Variants in CFAP299 observed in about 807,000 individuals in gnomAD.
The protein encoded by CFAP299 is cilia and flagella associated protein 299.
Under a neutral mutation model 27.0 loss-of-function variants are expected in CFAP299, and 21 were observed. The ratio of observed to expected loss-of-function variants is 0.78; its 90% confidence interval spans 0.55 to 1.12. The LOEUF (loss-of-function observed/expected upper bound fraction) is 1.12. Among genes scored for constraint, CFAP299 ranks in the 50% most tolerant of loss-of-function variants. CFAP299 has a pLI of 0.00. For missense variants in CFAP299, 310 were observed against 276.6 expected (o/e 1.12, Z -0.86); for synonymous variants, 104 against 98.1 (o/e 1.06, Z -0.36).
intron 3 of CFAP299, among the ~76,000 whole-genome samples, chr4:80,767,405 C>G (rs1015223058): frequency 3.3e-5 from 5 of 151,972 alleles, no homozygotes; most frequent in Non-Finnish European, 7.4e-5. Flanking sequence ...GTCAGGAGAT[C>G]AAGACCATCC....
chr4:80,370,620 AAGTCTGAAACCCAGCAGGGC>A (rs1223117222), intron 2 of CFAP299, among the ~76,000 whole-genome samples: 1 of 152,358 alleles, frequency 6.6e-6, no homozygotes, highest in East Asian at 1.9e-4. Context: ...GGCCCCAGGC[AAGTCTGAAACCCAGCAGGGC>A]AGTCATTAAA....
At chr4:80,593,263 C>A (rs1736878152) in intron 3 of CFAP299, among the ~76,000 whole-genome samples, 1 of 152,120 alleles carries the variant, frequency 6.6e-6, no homozygotes, top group African/African-American at 2.4e-5. Context: ...GCAAGAATAC[C>A]TGTTTGAATT....
chr4:80,690,135 G>GACCA (rs1720557208), intron 3 of CFAP299, among the ~76,000 whole-genome samples: 2 of 143,138 alleles, frequency 1.4e-5, no homozygotes, highest in Non-Finnish European at 3.0e-5. Flanking sequence ...GCAGATCAAC[G>GACCA]AGACAGAAAA....
chr4:80,818,652 G>T (rs1299906514), intron 3 of CFAP299, among the ~76,000 whole-genome samples: 1 of 151,868 alleles, frequency 6.6e-6, no homozygotes, highest in African/African-American at 2.4e-5. Context: ...CTAACCAAAA[G>T]AAATTTGAAT....
intron 1 of CFAP299, among the ~76,000 whole-genome samples, chr4:80,342,379 A>T (rs1366117939): frequency 6.6e-6 from 1 of 152,194 alleles, no homozygotes; most frequent in Non-Finnish European, 1.5e-5. Context: ...AGATTCTCCA[A>T]GGTTGAAATT....
rs370673737 is a variant in CFAP299 at position 80,902,586 on chromosome 4, T to TATATATACAC, written c.476+32452_476+32453insTATATACACA. On this transcript the variant is annotated intron_variant, in intron 4 of 5. Coordinates refer to ENST00000358105, the MANE Select transcript of CFAP299 (RefSeq NM_152770.3). Reference sequence around the variant, plus strand: ...ATTTTATCCATATATATGTAATATATACACACACACACACACACACACACA... The same window carrying TATATATACAC: ...ATTTTATCCATATATATGTAATATATATATATACACACACACACACACACACACACACACA... Among the ~76,000 whole-genome samples the TATATATACAC allele has an allele frequency of 2.5e-3, 312 of 126,698 alleles. 3 individuals are homozygous for TATATATACAC. The highest frequency in any genetic ancestry group is 8.7e-3 in the African/African-American group (295 of 33,750). 83.1% of individuals were successfully genotyped at this position (126,698 alleles called of 152,430 possible). A position where few individuals can be genotyped will look rare whatever the true frequency, so the allele number is the denominator to read the frequency against.
intron 4 of CFAP299, among the ~76,000 whole-genome samples, chr4:80,892,464 A>T (rs2110187918): frequency 6.6e-6 from 1 of 152,292 alleles, no homozygotes; most frequent in Non-Finnish European, 1.5e-5. Context: ...TTCTTGAGTA[A>T]TACCCCACAA....
intron 3 of CFAP299, among the ~76,000 whole-genome samples, chr4:80,648,292 A>G (rs1409274200): frequency 2.0e-5 from 3 of 152,194 alleles, no homozygotes; most frequent in Non-Finnish European, 4.4e-5. Context: ...TAATTTGTAT[A>G]AGAAAGATTA....
At chr4:80,843,824 A>G (rs1226616912) in intron 3 of CFAP299, among the ~76,000 whole-genome samples, 2 of 151,948 alleles carry the variant, frequency 1.3e-5, no homozygotes, top group Non-Finnish European at 2.9e-5. Context: ...GGTTTGTTAC[A>G]TATGTATACA....
chr4:80,883,454 T>A (rs1308692624), intron 4 of CFAP299, among the ~76,000 whole-genome samples: 3 of 152,130 alleles, frequency 2.0e-5, no homozygotes, highest in South Asian at 2.1e-4. Context: ...TTACTATATA[T>A]GTAAATAGTT....
At chr4:80,908,802 C>G (rs1374070908) in intron 4 of CFAP299, among the ~76,000 whole-genome samples, 1 of 152,154 alleles carries the variant, frequency 6.6e-6, no homozygotes, top group African/African-American at 2.4e-5. Context: ...TCAGTTCTCT[C>G]ATCACCACCT....
At chr4:80,601,614 G>C (rs557591611) in intron 3 of CFAP299, among the ~76,000 whole-genome samples, 2 of 152,220 alleles carry the variant, frequency 1.3e-5, no homozygotes, top group Admixed American at 1.3e-4. Context: ...CCCTTTTCTA[G>C]ACTTTGGAAC....
chr4:80,364,080 C>A (rs1299396238), intron 2 of CFAP299, among the ~76,000 whole-genome samples: 2 of 3,294 alleles, frequency 6.1e-4, no homozygotes, highest in African/African-American at 6.9e-3. Flanking sequence ...GAGCGAGACT[C>A]CGTCTCAAAA....
intron 3 of CFAP299, among the ~76,000 whole-genome samples, chr4:80,713,807 G>C (rs1210225359): frequency 6.6e-6 from 1 of 152,078 alleles, no homozygotes; most frequent in Non-Finnish European, 1.5e-5. Context: ...TAAAGTAATG[G>C]CCTTCAGAAT....
rs144320512 is a variant in CFAP299 at position 80,679,922 on chromosome 4, T to C, written c.333+96739T>C. On this transcript the variant is annotated intron_variant, in intron 3 of 5. Coordinates refer to ENST00000358105, the MANE Select transcript of CFAP299 (RefSeq NM_152770.3). ...TTTCATTCTCTTAACATATGTTTCA[T>C]AGAGGAAAAGTTTTCAGTTTTGATG... Among the ~76,000 whole-genome samples the C allele has an allele frequency of 4.7e-3, 708 of 152,192 alleles. 1 individual carries two copies. Among genetic ancestry groups the C allele is most frequent in the Middle Eastern group, 0.014 (4 of 294 alleles).
intron 4 of CFAP299, among the ~76,000 whole-genome samples, chr4:80,913,392 A>G (rs531886888): frequency 6.6e-6 from 1 of 152,316 alleles, no homozygotes; most frequent in South Asian, 2.1e-4. Context: ...TCTGTTTAAT[A>G]TATCTTAACA....
At chr4:80,659,956 C>T (rs1418434298) in intron 3 of CFAP299, among the ~76,000 whole-genome samples, 2 of 151,928 alleles carry the variant, frequency 1.3e-5, no homozygotes, top group Non-Finnish European at 2.9e-5. Context: ...ATAATAGATG[C>T]TAATAACATT....
chr4:80,331,524 G>A (rs1462575808), upstream of CFAP299, among the ~76,000 whole-genome samples: 1 of 152,140 alleles, frequency 6.6e-6, no homozygotes, highest in Non-Finnish European at 1.5e-5. Context: ...TGTCAATTAG[G>A]TTGGAGAGAA....
chr4:80,925,820 C>T (rs752871044), intron 4 of CFAP299, among the ~76,000 whole-genome samples: 2 of 152,026 alleles, frequency 1.3e-5, no homozygotes, highest in African/African-American at 4.8e-5. Context: ...TTGTGATGAA[C>T]ATTTATTGGA....
Sources: allele counts gnomAD v4.1 joint callset (sites outside exome capture counted in the v4.1 genomes callset), GRCh38; gene constraint gnomAD v4.1.1; transcripts MANE v1.5; gene names NCBI Gene and HGNC (gene_info 2026-07-23, HGNC 2026-07-21).